Variants in PLEKHD1 observed in about 807,000 individuals in gnomAD.
PLEKHD1 encodes pleckstrin homology and coiled-coil domain containing D1, also known as pleckstrin homology domain-containing family D member 1.
In PLEKHD1, 51 loss-of-function variants were observed where a neutral mutation model predicts 69.2. The observed-to-expected ratio is 0.74, with a 90% CI of 0.59 to 0.93. PLEKHD1 has a LOEUF of 0.93. Among genes scored for constraint, PLEKHD1 ranks in the 40% least tolerant of loss-of-function variants. PLEKHD1 has a pLI of 0.00. For missense variants in PLEKHD1, 584 were observed against 641.0 expected, an observed-to-expected ratio of 0.91 and a Z score of 0.96; for synonymous variants, 236 against 244.7, an observed-to-expected ratio of 0.96 and a Z score of 0.33.
chr14:69,488,802 C>T (rs149660197), intron 1 of PLEKHD1, among the ~76,000 whole-genome samples: 3 of 152,282 alleles, frequency 2.0e-5, no homozygotes, highest in African/African-American at 7.2e-5. Context: ...CTCTCTGGCT[C>T]CTTGTTCCAG....
intron 7 of PLEKHD1, 127 bp downstream of exon 7, chr14:69,522,504 T>C (rs1440783134): frequency 8.0e-6 from 8 of 998,906 alleles, no homozygotes; most frequent in African/African-American, 4.9e-5. Flanking sequence ...GGCTTGGGTC[T>C]ATCCCAGTTT....
chr14:69,522,706 T>G (rs1883546802), intron 7 of PLEKHD1, among the ~76,000 whole-genome samples: 1 of 152,072 alleles, frequency 6.6e-6, no homozygotes, highest in Non-Finnish European at 1.5e-5. Flanking sequence ...GGCCTAGAGG[T>G]GCTTGCTGTT....
chr14:69,509,162 G>T (rs1421603418), intron 6 of PLEKHD1, among the ~76,000 whole-genome samples: 1 of 152,100 alleles, frequency 6.6e-6, no homozygotes, highest in African/African-American at 2.4e-5. Context: ...ACTGTGCCTG[G>T]CCTGCCATCT....
chr14:69,505,788 T>G (rs2139511263), intron 6 of PLEKHD1, among the ~76,000 whole-genome samples: 1 of 152,362 alleles, frequency 6.6e-6, no homozygotes, highest in Middle Eastern at 3.4e-3. Context: ...GTCCTGGGAC[T>G]CTGGAGGAAT....
intron 6 of PLEKHD1, among the ~76,000 whole-genome samples, chr14:69,511,159 GTTGT>G (rs1210306263): frequency 2.0e-5 from 3 of 151,490 alleles, no homozygotes; most frequent in Non-Finnish European, 4.4e-5. Flanking sequence ...TTGTTTGTTT[GTTGT>G]TTGTTTGTTT....
At chr14:69,499,071 C>T (rs1407994725) in intron 1 of PLEKHD1, among the ~76,000 whole-genome samples, 1 of 152,124 alleles carries the variant, frequency 6.6e-6, no homozygotes, top group Non-Finnish European at 1.5e-5. Context: ...ATTGGACTTG[C>T]ATGGTGCAAA....
At chr14:69,492,622 T>C (rs887468182) in intron 1 of PLEKHD1, among the ~76,000 whole-genome samples, 1 of 152,250 alleles carries the variant, frequency 6.6e-6, no homozygotes, top group African/African-American at 2.4e-5. Flanking sequence ...AGCTATGTGA[T>C]CTGGGGCATT....
intron 6 of PLEKHD1, among the ~76,000 whole-genome samples, chr14:69,514,657 T>C (rs1373530944): frequency 2.0e-5 from 3 of 152,158 alleles, no homozygotes; most frequent in Non-Finnish European, 1.5e-5. Context: ...CCCTTTATTT[T>C]TTCCCTGGCC....
chr14:69,477,656 C>T, the PLEKHD1 span, among the ~76,000 whole-genome samples: 1 of 152,190 alleles, frequency 6.6e-6, no homozygotes, highest in Non-Finnish European at 1.5e-5. Flanking sequence ...AAAGTGGCTA[C>T]AGGCCCCAGG....
At chr14:69,474,182 A>G in the PLEKHD1 span, among the ~76,000 whole-genome samples, 3 of 152,228 alleles carry the variant, frequency 2.0e-5, no homozygotes, top group Non-Finnish European at 4.4e-5. Flanking sequence ...CAATTTCATA[A>G]GCAAGAAGGC....
Position 69,502,875 on chromosome 14 carries a change from G to A in PLEKHD1, c.551G>A (p.Arg184Lys), listed in dbSNP as rs1883061406. Residue 184 changes from arginine to lysine, a missense_variant, in exon 6 of 13, where the codon AGA becomes AAA. Physicochemically the swap from Arg to Lys is conservative, Grantham distance 26. Transcript: ENST00000322564. ...TEELCLQREQ[R>K]EELERLNQVL... Reference sequence around the variant, plus strand: ...GAACTCTGCCTTCAGAGGGAGCAGAGAGAGGTAGGTGCACACCAAGGGGCT... The same window carrying A: ...GAACTCTGCCTTCAGAGGGAGCAGAAAGAGGTAGGTGCACACCAAGGGGCT... 1.2e-5 allele frequency: 18 copies of A among 1,551,600 alleles called. No individual in the cohort carries two copies. In the East Asian group the frequency reaches 4.4e-4, roughly 38 times the overall value.
chr14:69,505,754 T>C (rs1384191292), intron 6 of PLEKHD1, among the ~76,000 whole-genome samples: 2 of 152,240 alleles, frequency 1.3e-5, no homozygotes, highest in African/African-American at 4.8e-5. Flanking sequence ...TGTACAGTCC[T>C]GACATCCTCC....
At chr14:69,486,070 G>C (rs1404671926) in intron 1 of PLEKHD1, among the ~76,000 whole-genome samples, 1 of 152,164 alleles carries the variant, frequency 6.6e-6, no homozygotes, top group Non-Finnish European at 1.5e-5. Flanking sequence ...TTCACTACTG[G>C]TATGGCCTGG....
intron 6 of PLEKHD1, among the ~76,000 whole-genome samples, chr14:69,518,527 G>A (rs1460179730): frequency 2.0e-5 from 3 of 152,214 alleles, no homozygotes; most frequent in Non-Finnish European, 2.9e-5. Flanking sequence ...TACTGGAATT[G>A]CATTGAGCTC....
intron 1 of PLEKHD1, among the ~76,000 whole-genome samples, chr14:69,486,901 G>T (rs1022693298): frequency 6.6e-6 from 1 of 152,140 alleles, no homozygotes; most frequent in Non-Finnish European, 1.5e-5. Context: ...GAGAGGTTTA[G>T]TGTCCCCCAC....
intron 1 of PLEKHD1, among the ~76,000 whole-genome samples, chr14:69,490,453 C>G (rs574078873): frequency 6.6e-6 from 1 of 152,320 alleles, no homozygotes; most frequent in South Asian, 2.1e-4. Context: ...CTGCTCATCT[C>G]CTGCTGTGTG....
intron 1 of PLEKHD1, among the ~76,000 whole-genome samples, chr14:69,492,543 C>T (rs1167861114): frequency 6.6e-6 from 1 of 152,160 alleles, no homozygotes. Context: ...TTAAAGCCTA[C>T]CCTGGAGCTT....
upstream of PLEKHD1, among the ~76,000 whole-genome samples, chr14:69,480,183 T>G (rs1481798232): frequency 6.6e-6 from 1 of 152,168 alleles, no homozygotes; most frequent in Non-Finnish European, 1.5e-5. Context: ...GCCACAGCCT[T>G]GTGCAATCTA....
At chr14:69,503,669 C>T (rs1201205485) in intron 6 of PLEKHD1, 14 of 124,736 alleles carry the variant, frequency 1.1e-4, no homozygotes, top group African/African-American at 3.9e-4. Flanking sequence ...CCAGCCTGGG[C>T]GACAGAGCGA....
Sources: gnomAD v4.1 joint callset for allele counts (sites outside exome capture counted in the v4.1 genomes callset) on GRCh38, gnomAD v4.1.1 for gene constraint, MANE v1.5 for transcripts, NCBI Gene and HGNC (gene_info 2026-07-23, HGNC 2026-07-21) for gene names.